Variants in FHOD3 observed in about 807,000 individuals in gnomAD.
FHOD3 encodes the protein FH1/FH2 domain-containing protein 3.
In FHOD3, 90 loss-of-function variants were observed where a neutral mutation model predicts 173.0. That is an observed-to-expected ratio of 0.52 (90% confidence interval 0.44 to 0.62). The LOEUF (loss-of-function observed/expected upper bound fraction) is 0.62, where lower values mean the gene tolerates loss of function less well. Among genes scored for constraint, FHOD3 ranks in the 20% least tolerant of loss-of-function variants. The pLI, the probability that FHOD3 is intolerant of heterozygous loss-of-function variation, is 0.00. For synonymous variants in FHOD3, 828 were observed against 823.0 expected, an observed-to-expected ratio of 1.01 and a Z score of -0.10; for missense variants, 1,945 against 2,034.7, an observed-to-expected ratio of 0.96 and a Z score of 0.85.
At position 36,529,073 on chromosome 18, in the gene FHOD3, C is replaced by G. The variant is rs543417232; in HGVS notation, c.511+16530C>G. 3.9e-5 allele frequency among the ~76,000 whole-genome samples: 6 copies of G among 152,296 alleles called. No individual in the cohort carries two copies. In the South Asian group the frequency reaches 1.0e-3, roughly 26 times the overall value. The stretch of plus-strand genomic sequence containing the variant: ...TGGAGGGCAGATGGCAGCATTTTCC[C>G]TTGGAGTTGTATAAATAGATGTAGC... On this transcript the variant is annotated intron_variant, in intron 5 of 28. Coordinates refer to ENST00000590592, the MANE Select transcript of FHOD3 (RefSeq NM_001281740.3).
At chr18:36,501,051 C>T (rs1314128577) in intron 3 of FHOD3, among the ~76,000 whole-genome samples, 1 of 152,198 alleles carries the variant, frequency 6.6e-6, no homozygotes, top group Non-Finnish European at 1.5e-5. Flanking sequence ...ATCTGTCTCT[C>T]TAGCTGCATG....
At chr18:36,385,322 G>T (rs1315971838) in intron 3 of FHOD3, among the ~76,000 whole-genome samples, 2 of 152,134 alleles carry the variant, frequency 1.3e-5, no homozygotes, top group African/African-American at 4.8e-5. Context: ...AGACCTGAGG[G>T]TGATCCTGAT....
chr18:36,725,430 G>T (rs142065458), intron 19 of FHOD3, among the ~76,000 whole-genome samples: 1 of 152,274 alleles, frequency 6.6e-6, no homozygotes, highest in South Asian at 2.1e-4. Flanking sequence ...AAAGAGAGGC[G>T]ATAAATATAG....
chr18:36,373,059 G>A (rs2047269961), intron 3 of FHOD3, among the ~76,000 whole-genome samples: 1 of 152,126 alleles, frequency 6.6e-6, no homozygotes, highest in Admixed American at 6.5e-5. Flanking sequence ...TGATCTTCAC[G>A]TGCCTCCTGG....
chr18:36,727,239 CA>C (rs2041123718), intron 19 of FHOD3, among the ~76,000 whole-genome samples: 1 of 152,106 alleles, frequency 6.6e-6, no homozygotes, highest in Non-Finnish European at 1.5e-5. Context: ...CTCAGAAGGA[CA>C]ATTCAAATGG....
rs144444605 is a variant in FHOD3 at position 36,381,776 on chromosome 18, C to T, written c.337+9032C>T. ...TTTCTTAGATTTGATTTGTTTACTT[C>T]AGAAATGGATTCCTTTGCCCTGTTC... On this transcript the variant is annotated intron_variant, in intron 3 of 28. Transcript: ENST00000590592. Among the ~76,000 whole-genome samples, 151 of 152,334 alleles carry T rather than the reference C, an allele frequency of 9.9e-4. 3 individuals carry two copies. In the East Asian group the frequency reaches 0.025, roughly 25 times the overall value.
intron 3 of FHOD3, among the ~76,000 whole-genome samples, chr18:36,469,061 A>G (rs1490464691): frequency 6.6e-6 from 1 of 152,152 alleles, no homozygotes; most frequent in Admixed American, 6.5e-5. Flanking sequence ...TTGATTAGGA[A>G]GTTTCCCTTG....
intron 6 of FHOD3, among the ~76,000 whole-genome samples, chr18:36,587,932 TGCA>T (rs1378563035): frequency 6.6e-6 from 1 of 152,280 alleles, no homozygotes; most frequent in Admixed American, 6.5e-5. Flanking sequence ...CTATACCTTC[TGCA>T]AATTGCATTG....
chr18:36,482,458 G>GC (rs947051369), intron 3 of FHOD3, among the ~76,000 whole-genome samples: 14 of 145,384 alleles, frequency 9.6e-5, no homozygotes, highest in Admixed American at 7.7e-4. Flanking sequence ...TGACCCCCCC[G>GC]CCCCGCAAGG....
At chr18:36,646,801 C>G (rs2035714080) in intron 10 of FHOD3, among the ~76,000 whole-genome samples, 1 of 152,088 alleles carries the variant, frequency 6.6e-6, no homozygotes, top group African/African-American at 2.4e-5. Context: ...AATTAACACA[C>G]AAAGGCATTA....
At position 36,594,797 on chromosome 18, in the gene FHOD3, T is replaced by C; in HGVS notation, c.617T>C (p.Val206Ala). The C allele has an allele frequency of 6.2e-7, 1 of 1,613,196 alleles. No homozygotes were observed. The highest frequency in any genetic ancestry group is 1.3e-5 in the African/African-American group (1 of 74,996). Residue 206 changes from valine (V) to alanine (A), a missense_variant, in exon 7 of 29, where the codon GTG becomes GCG. Transcript: ENST00000590592. ...YTLIGSKFRL[V>A]VKTALKLLLV... ...TATCTCTTCTGCCAGTTCCGCCTGG[T>C]GGTGAAGACAGCCCTGAAGCTGCTG...
Position 36,398,963 on chromosome 18 carries a change from A to G in FHOD3, c.337+26219A>G, listed in dbSNP as rs973182578. On this transcript the variant is annotated intron_variant, in intron 3 of 28. Coordinates refer to ENST00000590592, the MANE Select transcript of FHOD3 (RefSeq NM_001281740.3). ...GTCTTTTGGTCTGGCTGGTGTTGAGACTAGCTCTGAACTCATTCTTCTGGG... is the reference window on the plus strand; with the variant it reads ...GTCTTTTGGTCTGGCTGGTGTTGAGGCTAGCTCTGAACTCATTCTTCTGGG... 5.3e-5 allele frequency among the ~76,000 whole-genome samples: 8 copies of G among 152,114 alleles called. No homozygotes were observed. The South Asian group carries it at 1.7e-3, about 32-fold the overall frequency.
intron 4 of FHOD3, among the ~76,000 whole-genome samples, chr18:36,511,336 T>C (rs1436705413): frequency 6.6e-6 from 1 of 151,656 alleles, no homozygotes; most frequent in African/African-American, 2.4e-5. Flanking sequence ...TGGGTCTGGC[T>C]AGTTAAATGA....
intron 3 of FHOD3, among the ~76,000 whole-genome samples, chr18:36,408,186 A>G (rs2049162712): frequency 6.6e-6 from 1 of 152,168 alleles, no homozygotes; most frequent in African/African-American, 2.4e-5. Context: ...AACAGAATTT[A>G]CTTGTTAATT....
chr18:36,656,308 G>A (rs1031008508), intron 13 of FHOD3, among the ~76,000 whole-genome samples: 1 of 152,210 alleles, frequency 6.6e-6, no homozygotes, highest in Non-Finnish European at 1.5e-5. Flanking sequence ...CTCACTTGGA[G>A]AAGCAATTAA....
intron 5 of FHOD3, among the ~76,000 whole-genome samples, chr18:36,573,742 T>G (rs978034): frequency 0.42 from 64,369 of 152,156 alleles, 14,123 homozygotes; most frequent in Admixed American, 0.54. Context: ...GACATAGCTT[T>G]GGTAAATGAC....
intron 17 of FHOD3, among the ~76,000 whole-genome samples, chr18:36,703,510 G>A (rs1390871351): frequency 6.6e-6 from 1 of 152,130 alleles, no homozygotes; most frequent in African/African-American, 2.4e-5. Flanking sequence ...ACTTTATATT[G>A]TAGGTGTGGG....
intron 6 of FHOD3, among the ~76,000 whole-genome samples, chr18:36,577,112 A>G (rs2058683533): frequency 6.6e-6 from 1 of 151,842 alleles, no homozygotes. Flanking sequence ...AAAAAGTTAT[A>G]CCATAGATGT....
chr18:36,593,996 G>A (rs2029878165), intron 6 of FHOD3, among the ~76,000 whole-genome samples: 1 of 152,208 alleles, frequency 6.6e-6, no homozygotes, highest in Non-Finnish European at 1.5e-5. Flanking sequence ...GGGCAAAATT[G>A]TGGGCAAGTC....
Sources: gnomAD v4.1 joint callset for allele counts (sites outside exome capture counted in the v4.1 genomes callset) on GRCh38, gnomAD v4.1.1 for gene constraint, MANE v1.5 for transcripts, NCBI Gene and HGNC (gene_info 2026-07-23, HGNC 2026-07-21) for gene names.